Variants in LSM8 observed in about 807,000 individuals in gnomAD.
LSM8 encodes LSM8 homolog, U6 small nuclear RNA associated, also known as LSM8 U6 small nuclear RNA associated.
A neutral mutation model predicts 15.0 loss-of-function variants in LSM8; 14 were observed. The observed-to-expected ratio is 0.93, with a 90% CI of 0.62 to 1.46. The LOEUF is 1.46. Ranked by LOEUF, LSM8 falls within the 40% of genes most tolerant of loss-of-function variation. The pLI, the probability that LSM8 is intolerant of heterozygous loss-of-function variation, is 0.00. For missense variants in LSM8, 90 were observed against 115.4 expected (o/e 0.78, Z 1.01); for synonymous variants, 50 against 42.1 (o/e 1.19, Z -0.73).
Position 118,199,150 on chromosome 7 carries a change from A to T in LSM8, c.*7148A>T, listed in dbSNP as rs918506307. Among the ~76,000 whole-genome samples, 48 of 152,114 alleles carry T rather than the reference A, an allele frequency of 3.2e-4. 1 individual carries two copies. The highest frequency in any genetic ancestry group is 4.4e-5 in the Non-Finnish European group (3 of 68,026). ...TACTGATTTTAATCTATATCCTCTC[A>T]CTATAATCTGCAACTGGGAGCATAG... On this transcript the variant is annotated 3_prime_UTR_variant, in exon 4 of 4. Transcript: ENST00000249299.
chr7:118,185,084 C>T (rs1483833734), intron 1 of LSM8: 2 of 152,050 alleles, frequency 1.3e-5, no homozygotes, highest in Non-Finnish European at 2.9e-5. Context: ...ACGAAATATC[C>T]TGCCTGAAAT....
rs185369344 is a variant in LSM8 at position 118,194,015 on chromosome 7, G to A, written c.*2013G>A. Among the ~76,000 whole-genome samples the A allele has an allele frequency of 1.3e-5, 2 of 152,100 alleles. No individual in the cohort carries two copies. Among genetic ancestry groups the A allele is most frequent in the Non-Finnish European group, 2.9e-5 (2 of 67,976 alleles). On this transcript the variant is annotated 3_prime_UTR_variant, in exon 4 of 4. Coordinates refer to ENST00000249299, the MANE Select transcript of LSM8 (RefSeq NM_016200.5). ...GTTACAGAGGATGTGATGACAATAT[G>A]CCAGATAATCTATGTAATTCTTTAT... is the stretch of plus-strand genomic sequence containing the variant.
At position 118,201,450 on chromosome 7, in the gene LSM8, C is replaced by T. The variant is rs1809172719; in HGVS notation, c.*9448C>T. Among the ~76,000 whole-genome samples the T allele has an allele frequency of 6.6e-6, 1 of 152,026 alleles. No individual in the cohort carries two copies. Among genetic ancestry groups the T allele is most frequent in the Admixed American group, 6.6e-5 (1 of 15,240 alleles). The stretch of plus-strand genomic sequence containing the variant: ...AAAGATGTGACTCCTAGACTTTTCA[C>T]TTACATGAGCCAAAACGGTTCCTTT... On this transcript the variant is annotated 3_prime_UTR_variant, in exon 4 of 4. Transcript: ENST00000249299.
chr7:118,197,650 A>G lies in LSM8; in HGVS notation c.*5648A>G, dbSNP rs1217726425. Among the ~76,000 whole-genome samples the G allele has an allele frequency of 6.6e-6, 1 of 152,148 alleles. No homozygotes were observed. The highest frequency in any genetic ancestry group is 2.4e-5 in the African/African-American group (1 of 41,440). On this transcript the variant is annotated 3_prime_UTR_variant, in exon 4 of 4. Coordinates refer to ENST00000249299, the MANE Select transcript of LSM8 (RefSeq NM_016200.5). ...ATAGCTCTCTGAATCTGACTTGGAT[A>G]AGCTTTATTTTAATTGTGATTCTGC...
rs1446157145 is a variant in LSM8, at chr7:118,199,162, A to G, written c.*7160A>G. Among the ~76,000 whole-genome samples, 1 of 152,282 alleles carries G rather than the reference A, an allele frequency of 6.6e-6. No homozygotes were observed. The highest frequency in any genetic ancestry group is 1.5e-5 in the Non-Finnish European group (1 of 68,018). On this transcript the variant is annotated 3_prime_UTR_variant, in exon 4 of 4. Transcript: ENST00000249299. The stretch of plus-strand genomic sequence containing the variant: ...TCTATATCCTCTCACTATAATCTGC[A>G]ACTGGGAGCATAGCAGCTTTTCTGA...
At position 118,185,700 on chromosome 7, in the gene LSM8, TC is replaced by T. The variant is rs772480575; in HGVS notation, c.72+7del. On this transcript the variant is annotated splice_region_variant and intron_variant, in intron 2 of 3. Transcript: ENST00000249299. ...CAGATGGGAGAATGATTGTGGTAAG[TC>T]TTTGGAATTTTCATTCTCTGCTTTC... 3.1e-6 allele frequency: 5 copies of T among 1,607,824 alleles called. No homozygotes were observed. The South Asian group carries it at 4.4e-5, about 14-fold the overall frequency.
chr7:118,194,255 T>A lies in LSM8; in HGVS notation c.*2253T>A, dbSNP rs1228331235. On this transcript the variant is annotated 3_prime_UTR_variant, in exon 4 of 4. Coordinates refer to ENST00000249299, the MANE Select transcript of LSM8 (RefSeq NM_016200.5). ...TTCAACCTGTAATTACCTCTGTGCT[T>A]TGTGACTCAGGCACAATCTAAACCC... 6.6e-6 allele frequency among the ~76,000 whole-genome samples: 1 copy of A among 152,162 alleles called. No individual in the cohort carries two copies. Among genetic ancestry groups the A allele is most frequent in the African/African-American group, 2.4e-5 (1 of 41,468 alleles).
chr7:118,188,223 C>G lies in LSM8; in HGVS notation c.73-55C>G, dbSNP rs143596145. On this transcript the variant is annotated intron_variant, in intron 2 of 3. Transcript: ENST00000249299. ...TAAAATGACTGTGAGGTTAAATTTA[C>G]ACTTTCAGGTAAACCAGAATATTTC... 1.5e-4 allele frequency: 234 copies of G among 1,581,402 alleles called. 2 individuals are homozygous for G. The African/African-American group carries it at 3.0e-3, about 20-fold the overall frequency.
chr7:118,191,811 T>G, intron 3 of LSM8, 101 bp from the exon 4 acceptor site: 2 of 843,842 alleles, frequency 2.4e-6, no homozygotes, highest in Middle Eastern at 3.4e-4. Flanking sequence ...GTTTTATTTT[T>G]TGGAAGAATG....
rs1338424474 is a variant in LSM8, at chr7:118,203,796, TTATAA to T, written c.*11799_*11803del. On this transcript the variant is annotated 3_prime_UTR_variant, in exon 4 of 4. Coordinates refer to ENST00000249299, the MANE Select transcript of LSM8 (RefSeq NM_016200.5). ...AACATTTAATATGTGCACATGTATA[TTATAA>T]TATACTCATCCTTTATATTTATCAT... Among the ~76,000 whole-genome samples the T allele has an allele frequency of 1.3e-5, 2 of 151,954 alleles. No homozygotes were observed. Among genetic ancestry groups the T allele is most frequent in the East Asian group, 3.9e-4 (2 of 5,172 alleles).
intron 1 of LSM8, chr7:118,185,265 T>C (rs913178279): frequency 6.3e-6 from 1 of 157,914 alleles, no homozygotes; most frequent in Non-Finnish European, 1.4e-5. Flanking sequence ...TTTTTTTTTT[T>C]TTTCTTTTTT....
chr7:118,184,255 G>T lies in LSM8; in HGVS notation c.31+1G>T. On this transcript the variant is annotated splice_donor_variant, in intron 1 of 3. Transcript: ENST00000249299. LOFTEE classifies it high-confidence loss of function. ...TCCGCTTTGGAGAACTACATCAACC[G>T]TATCCTCAAGCTGGCCGCCGCGGGC... The T allele has an allele frequency of 1.3e-6, 2 of 1,503,196 alleles. No homozygotes were observed. The highest frequency in any genetic ancestry group is 8.9e-7 in the Non-Finnish European group (1 of 1,118,882). 93.1% of individuals were successfully genotyped at this position (1,503,196 alleles called of 1,614,324 possible). A position where few individuals can be genotyped will look rare whatever the true frequency, so the allele number is the denominator to read the frequency against.
chr7:118,186,061 C>T (rs1410617461), intron 2 of LSM8, among the ~76,000 whole-genome samples: 5 of 152,066 alleles, frequency 3.3e-5, no homozygotes, highest in Non-Finnish European at 1.5e-5. Flanking sequence ...GATTTAGATA[C>T]TATTAATATC....
Position 118,184,863 on chromosome 7 carries a change from T to C in LSM8, c.31+609T>C, listed in dbSNP as rs1449612866. Reference sequence around the variant, plus strand: ...TTAGGACAAAAACACTACGTTAAGCTCAGGTACAAACTGGGTGACAAAAAT... The same window carrying C: ...TTAGGACAAAAACACTACGTTAAGCCCAGGTACAAACTGGGTGACAAAAAT... On this transcript the variant is annotated intron_variant, in intron 1 of 3. Transcript: ENST00000249299. 2.0e-5 allele frequency: 3 copies of C among 152,230 alleles called. No individual in the cohort carries two copies. The East Asian group carries it at 5.8e-4, about 29-fold the overall frequency. 9.4% of individuals were successfully genotyped at this position (152,230 alleles called of 1,614,324 possible).
In LSM8 at chr7:118,192,997, G is replaced by A. The variant is rs751400512; in HGVS notation, c.*995G>A. Among the ~76,000 whole-genome samples the A allele has an allele frequency of 5.9e-5, 9 of 152,144 alleles. No individual in the cohort carries two copies. Among genetic ancestry groups the A allele is most frequent in the Non-Finnish European group, 1.2e-4 (8 of 68,004 alleles). On this transcript the variant is annotated 3_prime_UTR_variant, in exon 4 of 4. Transcript: ENST00000249299. The stretch of plus-strand genomic sequence containing the variant: ...GATCAACTCATGTATAGGCCCAAGT[G>A]TGTGTCTTTGTGATGAGAAGAACAT...
Position 118,199,581 on chromosome 7 carries a change from G to A in LSM8, c.*7579G>A, listed in dbSNP as rs1232876146. ...TATGGAAAGGAAATTTTGGAATGGT[G>A]ATTCTAACCTTTAAGGTTGGTGCCA... On this transcript the variant is annotated 3_prime_UTR_variant, in exon 4 of 4. Transcript: ENST00000249299. Among the ~76,000 whole-genome samples the A allele has an allele frequency of 1.3e-5, 2 of 152,124 alleles. No individual in the cohort carries two copies. Among genetic ancestry groups the A allele is most frequent in the Non-Finnish European group, 2.9e-5 (2 of 68,026 alleles).
rs1562865462 is a variant in LSM8 at position 118,201,262 on chromosome 7, AGAG to A, written c.*9264_*9266del. Among the ~76,000 whole-genome samples, 11 of 152,080 alleles carry A rather than the reference AGAG, an allele frequency of 7.2e-5. No homozygotes were observed. On this transcript the variant is annotated 3_prime_UTR_variant, in exon 4 of 4. Coordinates refer to ENST00000249299, the MANE Select transcript of LSM8 (RefSeq NM_016200.5). Reference sequence around the variant, plus strand: ...AGCTGAATTTCCTTTATATTAAAGAAGAGGAGAAAATCTTAATACTAAGTATGT... The same window carrying A: ...AGCTGAATTTCCTTTATATTAAAGAAGAGAAAATCTTAATACTAAGTATGT...
In LSM8 at chr7:118,201,718, A is replaced by T. The variant is rs965569550; in HGVS notation, c.*9716A>T. Among the ~76,000 whole-genome samples, 4 of 152,174 alleles carry T rather than the reference A, an allele frequency of 2.6e-5. No homozygotes were observed. In the East Asian group the frequency reaches 7.7e-4, roughly 29 times the overall value. The stretch of plus-strand genomic sequence containing the variant: ...AAAGCTGTAAAATTAAACTCTGTAC[A>T]ATTCTAGTTATTTGAAATATAAAAT... On this transcript the variant is annotated 3_prime_UTR_variant, in exon 4 of 4. Coordinates refer to ENST00000249299, the MANE Select transcript of LSM8 (RefSeq NM_016200.5).
intron 3 of LSM8, chr7:118,190,918 A>G (rs897958197): frequency 1.3e-5 from 2 of 152,136 alleles, no homozygotes; most frequent in Non-Finnish European, 2.9e-5. Context: ...CTGCCTAGCC[A>G]ACGTGGTGAA....
Sources: gnomAD v4.1 joint callset for allele counts (sites outside exome capture counted in the v4.1 genomes callset) on GRCh38, gnomAD v4.1.1 for gene constraint, MANE v1.5 for transcripts, NCBI Gene and HGNC (gene_info 2026-07-23, HGNC 2026-07-21) for gene names.